GPC3: variants seen among roughly 807,000 people sequenced by gnomAD.
GPC3 encodes glypican 3.
GPC3 carries 3 observed loss-of-function variants against 34.4 expected under a neutral mutation model. The ratio of observed to expected loss-of-function variants is 0.09; its 90% CI spans 0.04 to 0.23. GPC3 has a LOEUF of 0.23. Among genes scored for constraint, GPC3 ranks in the 10% least tolerant of loss-of-function variants. GPC3 has a pLI of 1.00. For synonymous variants in GPC3, 177 were observed against 174.0 expected (o/e 1.02, Z -0.13); for missense variants, 351 against 445.6 (o/e 0.79, Z 1.91).
intron 2 of GPC3, among the ~76,000 whole-genome samples, chrX:133,831,994 CAG>C (rs1253531692): frequency 1.8e-5 from 2 of 111,635 alleles, no homozygotes; most frequent in African/African-American, 6.5e-5. Context: ...TCTAAAATGA[CAG>C]AGCTGGCTGG....
intron 5 of GPC3, among the ~76,000 whole-genome samples, chrX:133,690,616 C>T (rs1432097579): frequency 3.6e-5 from 4 of 111,794 alleles, no homozygotes; most frequent in Non-Finnish European, 7.5e-5. Context: ...TTGCCTTTTT[C>T]GCCCTTGCAC....
At chrX:133,766,168 C>A (rs150566465) in intron 2 of GPC3, among the ~76,000 whole-genome samples, 284 of 111,764 alleles carry the variant, frequency 2.5e-3, no homozygotes, top group Non-Finnish European at 4.4e-3. Flanking sequence ...TATCATAGGC[C>A]CCTGACATTA....
chrX:133,597,836 G>A (rs2069935492), intron 6 of GPC3, among the ~76,000 whole-genome samples: 2 of 110,733 alleles, frequency 1.8e-5, no homozygotes, highest in South Asian at 7.9e-4. Flanking sequence ...TGGTATTGGA[G>A]AAGCCAATCT....
At chrX:133,709,915 C>T (rs756772357) in intron 3 of GPC3, among the ~76,000 whole-genome samples, 1 of 112,011 alleles carries the variant, frequency 8.9e-6, no homozygotes, top group African/African-American at 3.2e-5. Context: ...CCTTGTACTT[C>T]AGGAAGAACA....
chrX:133,594,052 C>A (rs1414536172), intron 7 of GPC3, among the ~76,000 whole-genome samples: 5 of 110,935 alleles, frequency 4.5e-5, no homozygotes, highest in African/African-American at 1.6e-4. Context: ...GCTGAGACTG[C>A]GCCACTGCAC....
chrX:133,729,133 G>C (rs1423650555), intron 3 of GPC3, among the ~76,000 whole-genome samples: 1 of 110,904 alleles, frequency 9.0e-6, no homozygotes, highest in Non-Finnish European at 1.9e-5. Flanking sequence ...CTTGCTGCCA[G>C]AGCCATCTTT....
intron 2 of GPC3, among the ~76,000 whole-genome samples, chrX:133,931,496 C>T (rs1223216634): frequency 2.7e-5 from 3 of 111,079 alleles, no homozygotes; most frequent in Non-Finnish European, 5.7e-5. Flanking sequence ...GAAAGAAGGA[C>T]CCAGGAAGGA....
intron 5 of GPC3, among the ~76,000 whole-genome samples, chrX:133,690,328 C>T (rs1307771210): frequency 9.0e-6 from 1 of 111,455 alleles, no homozygotes. Context: ...CCAGCATGTG[C>T]CAGTTTGCTA....
chrX:133,653,040 A>G (rs1302388855), intron 6 of GPC3, among the ~76,000 whole-genome samples: 5 of 112,065 alleles, frequency 4.5e-5, no homozygotes, highest in African/African-American at 1.6e-4. Flanking sequence ...CATTTTAGAA[A>G]GTGGCTGATG....
At chrX:133,657,948 C>A (rs2070682030) in intron 6 of GPC3, among the ~76,000 whole-genome samples, 1 of 101,262 alleles carries the variant, frequency 9.9e-6, no homozygotes, top group South Asian at 4.3e-4. Context: ...AGAAGTATTT[C>A]TGTATTTATA....
chrX:133,631,759 C>A (rs1215652012), intron 6 of GPC3, among the ~76,000 whole-genome samples: 1 of 111,547 alleles, frequency 9.0e-6, no homozygotes, highest in Admixed American at 9.6e-5. Flanking sequence ...AATTTCTCCA[C>A]ATCCTCCCCA....
intron 6 of GPC3, among the ~76,000 whole-genome samples, chrX:133,629,861 C>T (rs1441910291): frequency 9.1e-6 from 1 of 109,489 alleles, no homozygotes; most frequent in Non-Finnish European, 1.9e-5. Context: ...TCGAGACCAG[C>T]ATGACCAACA....
At position 133,535,885 on chromosome X, in the gene GPC3, GTT is replaced by G; in HGVS notation, c.*237_*238del. 5.3e-6 allele frequency: 2 copies of G among 380,046 alleles called. No homozygotes were observed. The highest frequency in any genetic ancestry group is 1.4e-3 in the Middle Eastern group (2 of 1,384). 31.3% of individuals were successfully genotyped at this position (380,046 alleles called of 1,213,427 possible). ...GAGAATAATTTGGCACAACTTGATG[GTT>G]TTTTTTCTTTCTTTGCAAAAGGACA... is the stretch of plus-strand genomic sequence containing the variant. On this transcript the variant is annotated 3_prime_UTR_variant, in exon 8 of 8. Coordinates refer to ENST00000370818, the MANE Select transcript of GPC3 (RefSeq NM_004484.4).
chrX:133,779,728 A>T (rs2072026357), intron 2 of GPC3, among the ~76,000 whole-genome samples: 1 of 108,997 alleles, frequency 9.2e-6, no homozygotes, highest in South Asian at 3.9e-4. Flanking sequence ...AGGAGTTTGG[A>T]AAATCACTGA....
chrX:133,817,847 C>T (rs1487776329), intron 2 of GPC3, among the ~76,000 whole-genome samples: 1 of 109,177 alleles, frequency 9.2e-6, no homozygotes, highest in Non-Finnish European at 1.9e-5. Flanking sequence ...GCTTCCCCCT[C>T]CCTGTGATCA....
chrX:133,654,130 A>G (rs1163292912), intron 6 of GPC3, among the ~76,000 whole-genome samples: 2 of 111,477 alleles, frequency 1.8e-5, no homozygotes, highest in East Asian at 2.8e-4. Flanking sequence ...GCAAAGGTTA[A>G]GTCCTTTGAA....
At chrX:133,845,370 T>A (rs1296095396) in intron 2 of GPC3, among the ~76,000 whole-genome samples, 3 of 111,684 alleles carry the variant, frequency 2.7e-5, no homozygotes, top group East Asian at 5.6e-4. Flanking sequence ...GAGTGAAAGC[T>A]TTTCTTTCAT....
intron 6 of GPC3, among the ~76,000 whole-genome samples, chrX:133,599,256 T>A (rs1045408673): frequency 1.6e-4 from 18 of 112,276 alleles, no homozygotes; most frequent in African/African-American, 5.8e-4. Context: ...CGGAATCTTT[T>A]AAAAGTGCAA....
At chrX:133,708,880 A>G (rs756901684) in intron 3 of GPC3, among the ~76,000 whole-genome samples, 1 of 112,290 alleles carries the variant, frequency 8.9e-6, no homozygotes, top group Admixed American at 9.5e-5. Flanking sequence ...CATGAATGCT[A>G]TCCATTTGTT....
Sources: allele counts gnomAD v4.1 joint callset (sites outside exome capture counted in the v4.1 genomes callset), GRCh38; gene constraint gnomAD v4.1.1; transcripts MANE v1.5; gene names NCBI Gene and HGNC (gene_info 2026-07-23, HGNC 2026-07-21).